The following TAFA2 variants were observed in gnomAD, a reference collection of about 807,000 sequenced individuals.
The protein encoded by TAFA2 is chemokine-like protein TAFA-2.
Under a neutral mutation model 18.8 loss-of-function variants are expected in TAFA2, and 7 were observed. The observed-to-expected ratio is 0.37, with a 90% CI of 0.21 to 0.70. TAFA2 has a LOEUF of 0.70. Among genes scored for constraint, TAFA2 ranks in the 30% least tolerant of loss-of-function variants. TAFA2 has a pLI of 0.53. For synonymous variants in TAFA2, 60 were observed against 54.2 expected, an observed-to-expected ratio of 1.11 and a Z score of -0.47; for missense variants, 122 against 158.1, an observed-to-expected ratio of 0.77 and a Z score of 1.23.
intron 1 of TAFA2, among the ~76,000 whole-genome samples, chr12:61,975,907 G>C (rs1358914503): frequency 1.3e-5 from 2 of 151,670 alleles, no homozygotes; most frequent in Admixed American, 1.3e-4. Flanking sequence ...GAGGGGAGGA[G>C]GGACCCTAGG....
At chr12:61,752,852 T>G (rs1036166757) in intron 4 of TAFA2, among the ~76,000 whole-genome samples, 1 of 152,020 alleles carries the variant, frequency 6.6e-6, no homozygotes, top group African/African-American at 2.4e-5. Context: ...TGTTCTATTC[T>G]TCAAATATTC....
intron 2 of TAFA2, among the ~76,000 whole-genome samples, chr12:61,836,074 C>T (rs1872907500): frequency 6.6e-6 from 1 of 151,942 alleles, no homozygotes; most frequent in Non-Finnish European, 1.5e-5. Flanking sequence ...ATTCCCCCAA[C>T]ACCACATACT....
chr12:62,178,983 T>C (rs2062533820), intron 1 of TAFA2, among the ~76,000 whole-genome samples: 1 of 152,332 alleles, frequency 6.6e-6, no homozygotes, highest in African/African-American at 2.4e-5. Flanking sequence ...CAGAGTTTCC[T>C]TACCTGAAAT....
At chr12:61,751,361 G>A (rs896044188) in intron 4 of TAFA2, among the ~76,000 whole-genome samples, 4 of 152,012 alleles carry the variant, frequency 2.6e-5, no homozygotes, top group Non-Finnish European at 5.9e-5. Context: ...GGTTGAAAAT[G>A]TCTAAGTAGC....
chr12:62,023,655 T>C (rs1380544757), intron 1 of TAFA2: 1 of 136,178 alleles, frequency 7.3e-6, no homozygotes, highest in African/African-American at 2.9e-5. Flanking sequence ...AACATACCTC[T>C]GAGCTTCACC....
intron 2 of TAFA2, among the ~76,000 whole-genome samples, chr12:61,811,632 A>C (rs1173463042): frequency 6.6e-6 from 1 of 151,444 alleles, no homozygotes; most frequent in East Asian, 1.9e-4. Context: ...AATATTGCAG[A>C]GTATTGTGAG....
At chr12:61,985,876 T>A (rs550821488) in intron 1 of TAFA2, among the ~76,000 whole-genome samples, 14 of 152,320 alleles carry the variant, frequency 9.2e-5, no homozygotes, top group Middle Eastern at 3.4e-3. Flanking sequence ...GAAATACAGA[T>A]CCACATGTCA....
At chr12:61,738,329 A>ACACAC (rs1555198029) in intron 4 of TAFA2, among the ~76,000 whole-genome samples, 1 of 146,742 alleles carries the variant, frequency 6.8e-6, no homozygotes, top group Admixed American at 6.8e-5. Context: ...ACACACACAC[A>ACACAC]AACCTAGCTC....
chr12:61,769,444 G>T (rs1869930484), intron 2 of TAFA2, among the ~76,000 whole-genome samples: 1 of 151,608 alleles, frequency 6.6e-6, no homozygotes, highest in African/African-American at 2.4e-5. Flanking sequence ...CAAAACCATT[G>T]CATTAAAAAA....
chr12:61,879,303 A>C (rs1271236215), intron 1 of TAFA2: 2 of 463,112 alleles, frequency 4.3e-6, no homozygotes, highest in African/African-American at 4.0e-5. Context: ...ACCTGCTTCC[A>C]CTCCTGCCTC....
chr12:62,204,091 T>C, intron 1 of TAFA2, among the ~76,000 whole-genome samples: 1 of 152,232 alleles, frequency 6.6e-6, no homozygotes. Flanking sequence ...CCTTTGCTCA[T>C]GAAGCTTAGT....
At chr12:62,100,919 G>A (rs1220810489) in intron 1 of TAFA2, among the ~76,000 whole-genome samples, 1 of 152,162 alleles carries the variant, frequency 6.6e-6, no homozygotes, top group Non-Finnish European at 1.5e-5. Context: ...AAAAGTTTAA[G>A]TGATATAGGT....
At chr12:61,959,076 G>A (rs895807021) in intron 1 of TAFA2, among the ~76,000 whole-genome samples, 1 of 151,688 alleles carries the variant, frequency 6.6e-6, no homozygotes, top group Non-Finnish European at 1.5e-5. Flanking sequence ...GTATTGACTT[G>A]ATTAGAGGGG....
At chr12:62,060,316 G>T (rs111780924) in intron 1 of TAFA2, among the ~76,000 whole-genome samples, 1 of 152,230 alleles carries the variant, frequency 6.6e-6, no homozygotes, top group Non-Finnish European at 1.5e-5. Flanking sequence ...AACAATGGAG[G>T]TCCTATAAGA....
chr12:61,901,259 C>CTTTTTTTTTTTT (rs1203233805), intron 1 of TAFA2, among the ~76,000 whole-genome samples: 21 of 10,898 alleles, frequency 1.9e-3, no homozygotes, highest in Non-Finnish European at 2.3e-3. Flanking sequence ...TTCAATTTCA[C>CTTTTTTTTTTTT]TTTTTTTTTT....
rs181574645 is a variant in TAFA2, at chr12:61,790,040, A to G, written c.107-35016T>C. Among the ~76,000 whole-genome samples the G allele has an allele frequency of 3.6e-4, 54 of 151,962 alleles. No homozygotes were observed. The East Asian group carries it at 7.4e-3, about 21-fold the overall frequency. Reference sequence around the variant, plus strand: ...ACCATGACCAAATATGATTCATTCCAGTGAAGCAAGAATTGTCTAACATAC... The same window carrying G: ...ACCATGACCAAATATGATTCATTCCGGTGAAGCAAGAATTGTCTAACATAC... On this transcript the variant is annotated intron_variant, in intron 2 of 4. Coordinates refer to ENST00000416284, the MANE Select transcript of TAFA2 (RefSeq NM_178539.5).
At chr12:61,841,666 A>T (rs939816630) in intron 2 of TAFA2, among the ~76,000 whole-genome samples, 1 of 152,016 alleles carries the variant, frequency 6.6e-6, no homozygotes, top group East Asian at 1.9e-4. Flanking sequence ...GATTTTTTTA[A>T]ATTTCTGGGA....
At chr12:62,114,999 G>A (rs1435406780) in intron 1 of TAFA2, among the ~76,000 whole-genome samples, 1 of 152,134 alleles carries the variant, frequency 6.6e-6, no homozygotes, top group African/African-American at 2.4e-5. Flanking sequence ...TATGCAGTGT[G>A]ACTTTGGTCA....
At chr12:61,840,919 G>A (rs779390552) in intron 2 of TAFA2, among the ~76,000 whole-genome samples, 1 of 152,068 alleles carries the variant, frequency 6.6e-6, no homozygotes, top group Non-Finnish European at 1.5e-5. Context: ...TGAAACCAAG[G>A]TAAAGCAAGG....
Sources: allele counts gnomAD v4.1 joint callset (sites outside exome capture counted in the v4.1 genomes callset), GRCh38; gene constraint gnomAD v4.1.1; transcripts MANE v1.5; gene names NCBI Gene and HGNC (gene_info 2026-07-23, HGNC 2026-07-21).